DPP9: variants seen among roughly 807,000 people sequenced by gnomAD.
DPP9 encodes dipeptidyl peptidase 9, also known as dipeptidyl peptidase IV-related protein-2.
Under a neutral mutation model 110.7 loss-of-function variants are expected in DPP9, and 50 were observed. The observed-to-expected ratio is 0.45, with a 90% CI of 0.36 to 0.57. DPP9 has a LOEUF of 0.57. Among genes scored for constraint, DPP9 ranks in the 20% least tolerant of loss-of-function variants. The probability of loss-of-function intolerance (pLI) is 0.00; values close to 1 mark genes in which losing one functional copy is unlikely to be tolerated. For missense variants in DPP9, 1,022 were observed against 1,217.9 expected (o/e 0.84, Z 2.39); for synonymous variants, 561 against 514.4 (o/e 1.09, Z -1.23).
At position 4,684,003 on chromosome 19, in the gene DPP9, C is replaced by G. The variant is rs1478771500; in HGVS notation, c.2179-374G>C. 1 of 424,164 alleles carries G rather than the reference C, an allele frequency of 2.4e-6. No individual in the cohort carries two copies. The allele number at this position is 424,164 out of a possible 1,614,324, so 26.3% of individuals were successfully genotyped here. A position where few individuals can be genotyped will look rare whatever the true frequency, so the allele number is the denominator to read the frequency against. ...GCACAAAGAATGGCTGGTGCCATCG[C>G]CGTTGTCACTACCAGCCACATCCCC... On this transcript the variant is annotated intron_variant, in intron 18 of 21. Coordinates refer to ENST00000262960, the MANE Select transcript of DPP9 (RefSeq NM_139159.5). This position sits in a 1 kb window ranked among gnomAD's most constrained non-coding sequence, Gnocchi z 4.8.
At chr19:4,688,547 C>A in intron 16 of DPP9, 1 of 588,890 alleles carries the variant, frequency 1.7e-6, no homozygotes, top group Non-Finnish European at 2.6e-6. Context: ...CGGCCCTTTA[C>A]TGCAGCTCGA....
intron 4 of DPP9, among the ~76,000 whole-genome samples, chr19:4,706,182 C>T (rs1005999091): frequency 5.9e-5 from 9 of 152,082 alleles, no homozygotes; most frequent in African/African-American, 1.2e-4. Flanking sequence ...CTGAATCTCA[C>T]GGCCTGAATT....
At chr19:4,699,158 CAAAAAAA>C (rs144927941) in intron 10 of DPP9, among the ~76,000 whole-genome samples, 4 of 50,936 alleles carry the variant, frequency 7.9e-5, no homozygotes, top group South Asian at 1.6e-3. Flanking sequence ...GACTCCACCT[CAAAAAAA>C]AAAAAAAAAA....
intron 13 of DPP9, among the ~76,000 whole-genome samples, chr19:4,691,651 A>T (rs536852722): frequency 6.9e-6 from 1 of 145,188 alleles, no homozygotes; most frequent in South Asian, 2.2e-4. Context: ...AGGACACATT[A>T]GGACTTTGTA....
chr19:4,701,985 T>G (rs768489380), intron 9 of DPP9, 42 bp downstream of exon 9: 1 of 1,598,080 alleles, frequency 6.3e-7, no homozygotes, highest in South Asian at 1.1e-5. Flanking sequence ...CCCAGGGGCC[T>G]CAGATCCCCG....
chr19:4,701,855 G>A (rs987449353), intron 9 of DPP9, among the ~76,000 whole-genome samples, 172 bp downstream of exon 9: 1 of 152,206 alleles, frequency 6.6e-6, no homozygotes, highest in Non-Finnish European at 1.5e-5. Context: ...GCCATGGTAA[G>A]CCAGGAGAAA....
At chr19:4,699,061 A>C (rs1275872483) in intron 10 of DPP9, among the ~76,000 whole-genome samples, 2 of 146,572 alleles carry the variant, frequency 1.4e-5, no homozygotes, top group Non-Finnish European at 3.0e-5. Flanking sequence ...CGGGAGGCTG[A>C]GGCAGGAGAA....
At chr19:4,714,053 C>T (rs2092961645) in intron 4 of DPP9, 28 bp downstream of exon 4, 3 of 1,589,860 alleles carry the variant, frequency 1.9e-6, no homozygotes, top group Non-Finnish European at 2.6e-6. Flanking sequence ...GCTGTCCCCG[C>T]CCAAGCAGCC....
chr19:4,703,854 T>G, intron 7 of DPP9, 32 bp downstream of exon 7: 1 of 1,576,090 alleles, frequency 6.3e-7, no homozygotes, highest in Non-Finnish European at 8.6e-7. Flanking sequence ...CAGGTGGCTA[T>G]GGTGGCCGTG....
Position 4,702,722 on chromosome 19 carries a change from G to C in DPP9, c.770-6C>G. 1 of 1,567,210 alleles carries C rather than the reference G, an allele frequency of 6.4e-7. No homozygotes were observed. The highest frequency in any genetic ancestry group is 1.4e-5 in the African/African-American group (1 of 72,734). On this transcript the variant is annotated splice_polypyrimidine_tract_variant and splice_region_variant and intron_variant, in intron 7 of 21. Coordinates refer to ENST00000262960, the MANE Select transcript of DPP9 (RefSeq NM_139159.5). ...ATCCAGGACATTGGATAAACCTAGG[G>C]GGAGGGACGGAGAGCATCAACAAGG...
At chr19:4,681,907 C>T (rs1309278771) in intron 20 of DPP9, among the ~76,000 whole-genome samples, 2 of 138,020 alleles carry the variant, frequency 1.4e-5, no homozygotes, top group Non-Finnish European at 3.0e-5. Flanking sequence ...AGTGCAGTGG[C>T]GCACGATCTC....
In DPP9 at chr19:4,714,051, C is replaced by T. The variant is rs913357409; in HGVS notation, c.313+30G>A. 4.5e-5 allele frequency: 71 copies of T among 1,586,102 alleles called. No individual in the cohort carries two copies. The Admixed American group carries it at 5.2e-4, about 12-fold the overall frequency. On this transcript the variant is annotated intron_variant, in intron 4 of 21. Transcript: ENST00000262960. ...GAACTGTGGTCCCAGATGCTGTCCCCGCCCAAGCAGCCTGCAGGGCCCGGC... is the reference window on the plus strand; with the variant it reads ...GAACTGTGGTCCCAGATGCTGTCCCTGCCCAAGCAGCCTGCAGGGCCCGGC...
intron 4 of DPP9, among the ~76,000 whole-genome samples, chr19:4,708,456 TG>T (rs1429603292): frequency 6.6e-6 from 1 of 152,214 alleles, no homozygotes; most frequent in Non-Finnish European, 1.5e-5. Context: ...CTGCTGCTTT[TG>T]GGGTGACTGT....
At chr19:4,713,274 G>GCC (rs2092917923) in intron 4 of DPP9, among the ~76,000 whole-genome samples, 2 of 152,342 alleles carry the variant, frequency 1.3e-5, no homozygotes, top group East Asian at 3.9e-4. Context: ...TCTCTCCAAG[G>GCC]TGTCCTTCCT....
In DPP9 at chr19:4,698,951, G is replaced by A. The variant is rs2092022524; in HGVS notation, c.1074+1265C>T. Among the ~76,000 whole-genome samples the A allele has an allele frequency of 6.6e-6, 1 of 152,026 alleles. No individual in the cohort carries two copies. The highest frequency in any genetic ancestry group is 6.6e-5 in the Admixed American group (1 of 15,262). On this transcript the variant is annotated intron_variant, in intron 10 of 21. Coordinates refer to ENST00000262960, the MANE Select transcript of DPP9 (RefSeq NM_139159.5). The surrounding 1 kb of genome is among the most constrained non-coding windows in gnomAD (Gnocchi z 4.2). ...AGGCGGGCGGATCACGAGGTCAGGA[G>A]ATTGAGACCGTCCTGGCTAACACGG...
Position 4,695,557 on chromosome 19 carries a change from TAAGGGGG to T in DPP9, c.1176-9_1176-3del. On this transcript the variant is annotated splice_polypyrimidine_tract_variant and splice_region_variant and intron_variant, in intron 11 of 21. Transcript: ENST00000262960. The surrounding 1 kb of genome is among the most constrained non-coding windows in gnomAD (Gnocchi z 4.7). ...CGGTCCAGGAACATGGCCCAGGCGC[TAAGGGGG>T]AAGATGCGGGGGAAGATGAGAGGGA... 6.9e-7 allele frequency: 1 copy of T among 1,451,168 alleles called. No homozygotes were observed. Among genetic ancestry groups the T allele is most frequent in the Non-Finnish European group, 9.1e-7 (1 of 1,101,730 alleles). 89.9% of individuals were successfully genotyped at this position (1,451,168 alleles called of 1,614,324 possible). A position where few individuals can be genotyped will look rare whatever the true frequency, so the allele number is the denominator to read the frequency against.
chr19:4,698,700 T>C lies in DPP9; in HGVS notation c.1075-1049A>G, dbSNP rs115895731. 0.022 allele frequency among the ~76,000 whole-genome samples: 3,361 copies of C among 151,784 alleles called. 110 individuals carry two copies. Among genetic ancestry groups the C allele is most frequent in the African/African-American group, 0.077 (3,187 of 41,366 alleles). ...GGGAAGTTGAGGCTGCAGTGGGTCATGATTGCACCAGTGTACTCCAGCCTA... is the reference window on the plus strand; with the variant it reads ...GGGAAGTTGAGGCTGCAGTGGGTCACGATTGCACCAGTGTACTCCAGCCTA... On this transcript the variant is annotated intron_variant, in intron 10 of 21. Transcript: ENST00000262960. This position sits in a 1 kb window ranked among gnomAD's most constrained non-coding sequence, Gnocchi z 4.2.
intron 3 of DPP9, among the ~76,000 whole-genome samples, 160 bp from the exon 4 acceptor site, chr19:4,714,497 C>T (rs1048338463): frequency 6.6e-6 from 1 of 152,164 alleles, no homozygotes; most frequent in African/African-American, 2.4e-5. Flanking sequence ...TACCTCTCTC[C>T]ATGTCACTAA....
intron 14 of DPP9, among the ~76,000 whole-genome samples, chr19:4,690,388 C>T (rs1160690133): frequency 1.2e-4 from 19 of 152,154 alleles, no homozygotes; most frequent in Admixed American, 1.0e-3. Flanking sequence ...CCTGAGAGGC[C>T]GGTGGAGGCA....
Sources: allele counts gnomAD v4.1 joint callset (sites outside exome capture counted in the v4.1 genomes callset), GRCh38; gene constraint gnomAD v4.1.1; non-coding constraint Gnocchi (gnomAD v3.1); transcripts MANE v1.5; gene names NCBI Gene and HGNC (gene_info 2026-07-23, HGNC 2026-07-21).